Variants in CPEB3 observed in about 807,000 individuals in gnomAD.
The protein encoded by CPEB3 is cytoplasmic polyadenylation element-binding protein 3.
In CPEB3, 20 loss-of-function variants were observed where a neutral mutation model predicts 67.2. That is an observed-to-expected ratio of 0.30 (90% CI 0.21 to 0.43). The LOEUF is 0.43. Among genes scored for constraint, CPEB3 ranks in the 20% least tolerant of loss-of-function variants. CPEB3 has a pLI of 1.00. For synonymous variants in CPEB3, 376 were observed against 393.1 expected (o/e 0.96, Z 0.51); for missense variants, 746 against 968.6 (o/e 0.77, Z 3.05).
At chr10:92,115,053 C>T (rs1400056081) in intron 6 of CPEB3, among the ~76,000 whole-genome samples, 5 of 152,214 alleles carry the variant, frequency 3.3e-5, no homozygotes, top group Admixed American at 1.3e-4. Flanking sequence ...CCGGCGGCCG[C>T]GGGCGCGGGG....
chr10:92,233,999 T>C (rs1590473116), intron 2 of CPEB3, among the ~76,000 whole-genome samples: 1 of 150,636 alleles, frequency 6.6e-6, no homozygotes, highest in African/African-American at 2.4e-5. Context: ...CCCAGCTACT[T>C]GGGAGGCTGA....
At chr10:92,289,121 T>C (rs1842672309) in intron 1 of CPEB3, among the ~76,000 whole-genome samples, 1 of 152,002 alleles carries the variant, frequency 6.6e-6, no homozygotes, top group Admixed American at 6.6e-5. Context: ...TGCGAGCCTG[T>C]AATCCCAGCT....
At position 92,288,691 on chromosome 10, in the gene CPEB3, A is replaced by G. The variant is rs138418281; in HGVS notation, c.-12+2235T>C. On this transcript the variant is annotated intron_variant, in intron 1 of 9. Transcript: ENST00000265997. Reference sequence around the variant, plus strand: ...ATAAAATCCATTTGTTGGTATAATAAGGTCAAGGTGCACAAGTCTTTGCTA... The same window carrying G: ...ATAAAATCCATTTGTTGGTATAATAGGGTCAAGGTGCACAAGTCTTTGCTA... 2.8e-4 allele frequency among the ~76,000 whole-genome samples: 43 copies of G among 152,336 alleles called. 1 individual carries two copies. The highest frequency in any genetic ancestry group is 9.6e-4 in the African/African-American group (40 of 41,580).
intron 6 of CPEB3, chr10:92,118,868 C>T: frequency 1.2e-6 from 1 of 808,340 alleles, no homozygotes; most frequent in South Asian, 1.3e-5. Flanking sequence ...CATCTGCCAC[C>T]ATGACACTGG....
At chr10:92,183,914 C>T (rs1246761216) in intron 3 of CPEB3, among the ~76,000 whole-genome samples, 1 of 152,118 alleles carries the variant, frequency 6.6e-6, no homozygotes, top group African/African-American at 2.4e-5. Context: ...AGTTTACAAC[C>T]ACTATATCAA....
chr10:92,137,200 GA>G, intron 6 of CPEB3: 2 of 438,866 alleles, frequency 4.6e-6, no homozygotes, highest in Non-Finnish European at 4.3e-6. Flanking sequence ...TCAAAAGATA[GA>G]AAAGGTGGTC....
In CPEB3 at chr10:92,289,229, G is replaced by A. The variant is rs901546510; in HGVS notation, c.-12+1697C>T. Reference sequence around the variant, plus strand: ...TGCACTCCATCCTGAGCAACACAGCGAGACTCCGTCTCAAAAAAATAAAAT... The same window carrying A: ...TGCACTCCATCCTGAGCAACACAGCAAGACTCCGTCTCAAAAAAATAAAAT... On this transcript the variant is annotated intron_variant, in intron 1 of 9. Coordinates refer to ENST00000265997, the MANE Select transcript of CPEB3 (RefSeq NM_014912.5). Among the ~76,000 whole-genome samples, 11 of 151,316 alleles carry A rather than the reference G, an allele frequency of 7.3e-5. No individual in the cohort carries two copies. In the South Asian group the frequency reaches 1.5e-3, roughly 20 times the overall value.
upstream of CPEB3, chr10:92,291,129 GC>G: frequency 2.7e-6 from 1 of 376,044 alleles, no homozygotes; most frequent in Non-Finnish European, 4.8e-6. Flanking sequence ...GGGCCGCCCT[GC>G]GTCGTAACCC....
chr10:92,052,048 A>T lies in CPEB3; in HGVS notation c.*164T>A. 2 of 587,048 alleles carry T rather than the reference A, an allele frequency of 3.4e-6. No individual in the cohort carries two copies. Among genetic ancestry groups the T allele is most frequent in the Non-Finnish European group, 6.1e-6 (2 of 330,480 alleles). The allele number at this position is 587,048 out of a possible 1,614,324, so 36.4% of individuals were successfully genotyped here. A position where few individuals can be genotyped will look rare whatever the true frequency, so the allele number is the denominator to read the frequency against. On this transcript the variant is annotated 3_prime_UTR_variant, in exon 10 of 10. Coordinates refer to ENST00000265997, the MANE Select transcript of CPEB3 (RefSeq NM_014912.5). ...ATTATACTGGACACTGAGTTCAGTA[A>T]TATGACTGTAAATAATAATAATAAT... is the stretch of plus-strand genomic sequence containing the variant.
chr10:92,117,324 C>CTT (rs35220275), intron 6 of CPEB3, among the ~76,000 whole-genome samples: 40 of 79,972 alleles, frequency 5.0e-4, no homozygotes, highest in East Asian at 7.8e-4. Flanking sequence ...GCCTGGCTGA[C>CTT]TTTTTTTTTT....
At chr10:92,274,129 C>T (rs531635469) in intron 1 of CPEB3, among the ~76,000 whole-genome samples, 105 of 152,204 alleles carry the variant, frequency 6.9e-4, no homozygotes, top group Middle Eastern at 3.4e-3. Flanking sequence ...TTCCAATGTT[C>T]GATTTTCTCA....
At chr10:92,216,163 T>C (rs1221714679) in intron 2 of CPEB3, among the ~76,000 whole-genome samples, 1 of 150,672 alleles carries the variant, frequency 6.6e-6, no homozygotes, top group Non-Finnish European at 1.5e-5. Flanking sequence ...GATGGCTGGG[T>C]GCAGTGGCTC....
chr10:92,192,412 AT>A, intron 3 of CPEB3, 64 bp downstream of exon 3: 1 of 1,460,394 alleles, frequency 6.8e-7, no homozygotes, highest in Non-Finnish European at 9.3e-7. Context: ...AAAAATCAAA[AT>A]TATTAAAAAG....
intron 2 of CPEB3, among the ~76,000 whole-genome samples, chr10:92,209,737 A>C (rs1019734466): frequency 1.3e-5 from 2 of 149,694 alleles, no homozygotes; most frequent in Admixed American, 1.3e-4. Context: ...AGGAGTTCAA[A>C]ACCAGCCTGG....
chr10:92,275,199 T>C (rs1408593671), intron 1 of CPEB3, among the ~76,000 whole-genome samples: 3 of 152,196 alleles, frequency 2.0e-5, no homozygotes, highest in African/African-American at 4.8e-5. Context: ...AACTCTTTGT[T>C]GTGAGTGGCT....
intron 9 of CPEB3, chr10:92,076,243 G>C (rs1014475480): frequency 2.6e-5 from 4 of 152,122 alleles, no homozygotes; most frequent in African/African-American, 9.7e-5. Flanking sequence ...TCAAGGTATT[G>C]GTTTAAAGCC....
chr10:92,231,525 T>G (rs1851267080), intron 2 of CPEB3, among the ~76,000 whole-genome samples: 1 of 151,932 alleles, frequency 6.6e-6, no homozygotes, highest in South Asian at 2.1e-4. Flanking sequence ...TCTCTCCCAC[T>G]CCATCCCTCC....
At chr10:92,117,056 G>A (rs376409112) in intron 6 of CPEB3, among the ~76,000 whole-genome samples, 6 of 151,982 alleles carry the variant, frequency 3.9e-5, no homozygotes, top group African/African-American at 9.7e-5. Context: ...ACAGAGTCTC[G>A]CTCTGTCGCC....
chr10:92,273,151 G>A (rs188122259), intron 1 of CPEB3, among the ~76,000 whole-genome samples: 6 of 152,258 alleles, frequency 3.9e-5, no homozygotes, highest in African/African-American at 7.2e-5. Flanking sequence ...TTCTGGGAGT[G>A]TGTAAATATA....
Sources: allele counts gnomAD v4.1 joint callset (sites outside exome capture counted in the v4.1 genomes callset), GRCh38; gene constraint gnomAD v4.1.1; transcripts MANE v1.5; gene names NCBI Gene and HGNC (gene_info 2026-07-23, HGNC 2026-07-21).